GPR141: variants seen among roughly 807,000 people sequenced by gnomAD.
The protein encoded by GPR141 is probable G protein-coupled receptor 141.
A neutral mutation model predicts 6.8 loss-of-function variants in GPR141; 6 were observed. The ratio of observed to expected loss-of-function variants is 0.88; its 90% CI spans 0.48 to 1.74. The LOEUF is 1.74. GPR141 is among the 40% of genes most tolerant of loss of function. GPR141 has a pLI of 0.01. For missense variants in GPR141, 372 were observed against 372.9 expected (o/e 1.00, Z 0.02); for synonymous variants, 140 against 142.3 (o/e 0.98, Z 0.11).
chr7:37,701,968 C>T (rs1216820603), intron 2 of GPR141, among the ~76,000 whole-genome samples: 1 of 152,186 alleles, frequency 6.6e-6, no homozygotes, highest in Non-Finnish European at 1.5e-5. Context: ...TCCCTTTCAA[C>T]AGGCTGTACT....
intron 2 of GPR141, among the ~76,000 whole-genome samples, chr7:37,721,436 A>G (rs1811322760): frequency 6.6e-6 from 1 of 152,194 alleles, no homozygotes; most frequent in African/African-American, 2.4e-5. Context: ...ACCTAGAGGT[A>G]CCTGGGGCTG....
Position 37,691,894 on chromosome 7 carries a change from C to T in GPR141, c.-15+6311C>T, listed in dbSNP as rs555619728. Among the ~76,000 whole-genome samples the T allele has an allele frequency of 9.4e-4, 143 of 152,186 alleles. 1 individual carries two copies. Among genetic ancestry groups the T allele is most frequent in the South Asian group, 4.8e-3 (23 of 4,824 alleles). ...CTTAAGAAATGTGTTGTTAATCTAA[C>T]GGGGATTCCTTTAGAGTGACTTTAT... On this transcript the variant is annotated intron_variant, in intron 2 of 2. Coordinates refer to ENST00000334425, the MANE Select transcript of GPR141 (RefSeq NM_001381946.1).
intron 2 of GPR141, among the ~76,000 whole-genome samples, chr7:37,721,424 A>C (rs1419430608): frequency 6.6e-6 from 1 of 152,202 alleles, no homozygotes; most frequent in Non-Finnish European, 1.5e-5. Context: ...GAAAAGGCAT[A>C]AACCTAGAGG....
chr7:37,740,720 C>T lies in GPR141; in HGVS notation c.327C>T (p.Ile109=), dbSNP rs763366923. Residue 109 remains isoleucine (I), a synonymous_variant, in exon 3 of 3, where the codon ATC becomes ATT. Coordinates refer to ENST00000334425, the MANE Select transcript of GPR141 (RefSeq NM_001381946.1). ...MYLTFLFYVV[I]LVTRYLIFFK... The stretch of plus-strand genomic sequence containing the variant: ...TCACGTTCCTATTCTATGTGGTGAT[C>T]CTGGTCACCAGATACCTCATCTTCT... The T allele has an allele frequency of 9.9e-6, 16 of 1,614,072 alleles. No homozygotes were observed. Among genetic ancestry groups the T allele is most frequent in the Non-Finnish European group, 1.4e-5 (16 of 1,179,956 alleles).
chr7:37,716,688 A>G (rs1290193683), intron 2 of GPR141, among the ~76,000 whole-genome samples: 3 of 152,362 alleles, frequency 2.0e-5, no homozygotes, highest in South Asian at 2.1e-4. Flanking sequence ...GGTAACTTCT[A>G]TATTCTTTGT....
intron 2 of GPR141, among the ~76,000 whole-genome samples, chr7:37,710,541 T>G (rs765268762): frequency 2.6e-5 from 4 of 152,246 alleles, no homozygotes; most frequent in Non-Finnish European, 5.9e-5. Context: ...CCAACTACTG[T>G]TCAGATTTTC....
intron 2 of GPR141, among the ~76,000 whole-genome samples, chr7:37,718,714 C>T (rs887389524): frequency 2.6e-5 from 4 of 152,104 alleles, no homozygotes; most frequent in African/African-American, 7.2e-5. Flanking sequence ...CAACATTTGC[C>T]CTGAGCATAA....
At chr7:37,712,577 A>G in intron 2 of GPR141, among the ~76,000 whole-genome samples, 1 of 152,142 alleles carries the variant, frequency 6.6e-6, no homozygotes, top group East Asian at 1.9e-4. Context: ...GTCATGAATC[A>G]AAGGCCTTTT....
In GPR141 at chr7:37,742,021, A is replaced by G. The variant is rs1489976877; in HGVS notation, c.*710A>G. Among the ~76,000 whole-genome samples, 1 of 152,178 alleles carries G rather than the reference A, an allele frequency of 6.6e-6. No individual in the cohort carries two copies. The highest frequency in any genetic ancestry group is 1.9e-4 in the East Asian group (1 of 5,200). ...TGCTCCAAAAATCATTTAAAAGCTTACTGGACATATCTACATAATGGTGAA... is the reference window on the plus strand; with the variant it reads ...TGCTCCAAAAATCATTTAAAAGCTTGCTGGACATATCTACATAATGGTGAA... On this transcript the variant is annotated 3_prime_UTR_variant, in exon 3 of 3. Transcript: ENST00000334425.
intron 2 of GPR141, among the ~76,000 whole-genome samples, chr7:37,733,570 G>T (rs1812081365): frequency 6.6e-6 from 1 of 151,372 alleles, no homozygotes; most frequent in South Asian, 2.1e-4. Flanking sequence ...TACTCCGGAG[G>T]CTGAGGCAGG....
chr7:37,702,745 A>T (rs1810338192), intron 2 of GPR141, among the ~76,000 whole-genome samples: 1 of 149,224 alleles, frequency 6.7e-6, no homozygotes, highest in African/African-American at 2.4e-5. Context: ...ATAAAAAATA[A>T]ATAAATAAAT....
At chr7:37,703,367 T>C (rs1302301772) in intron 2 of GPR141, among the ~76,000 whole-genome samples, 1 of 152,170 alleles carries the variant, frequency 6.6e-6, no homozygotes, top group African/African-American at 2.4e-5. Flanking sequence ...TTATTCACCC[T>C]GCTTAAGAAC....
At chr7:37,738,164 C>T (rs1242747920) in intron 2 of GPR141, among the ~76,000 whole-genome samples, 1 of 152,198 alleles carries the variant, frequency 6.6e-6, no homozygotes, top group African/African-American at 2.4e-5. Flanking sequence ...TATAATAATA[C>T]ATTACACAAT....
chr7:37,712,881 A>G (rs1810872206), intron 2 of GPR141, among the ~76,000 whole-genome samples: 1 of 152,132 alleles, frequency 6.6e-6, no homozygotes, highest in Non-Finnish European at 1.5e-5. Flanking sequence ...GCCTGCTTCC[A>G]TGTCTGGTGT....
At chr7:37,704,403 G>A (rs954139859) in intron 2 of GPR141, among the ~76,000 whole-genome samples, 7 of 152,206 alleles carry the variant, frequency 4.6e-5, no homozygotes, top group African/African-American at 7.2e-5. Flanking sequence ...ACTTACAATC[G>A]TGGCAGAAGG....
At chr7:37,704,454 T>C (rs972825488) in intron 2 of GPR141, among the ~76,000 whole-genome samples, 2 of 152,030 alleles carry the variant, frequency 1.3e-5, no homozygotes, top group East Asian at 1.9e-4. Flanking sequence ...TGAGACCCAG[T>C]AGGGGAAATG....
Position 37,741,043 on chromosome 7 carries a change from C to T in GPR141, c.650C>T (p.Ser217Phe), listed in dbSNP as rs1812532726. Residue 217 changes from serine (S) to phenylalanine (F), a missense_variant, in exon 3 of 3, where the codon TCC becomes TTC. Physicochemically the swap from Ser to Phe is radical, Grantham distance 155 (BLOSUM62 -2). Coordinates refer to ENST00000334425, the MANE Select transcript of GPR141 (RefSeq NM_001381946.1). ...CAGAAGCTACGCCACTCTTTACTAT[C>T]CCACCAGGAGTTCTGGGCTCAGCTG... The part of the protein sequence containing the change: ...MVQKLRHSLL[S>F]HQEFWAQLKN... 6.2e-7 allele frequency: 1 copy of T among 1,613,988 alleles called. No homozygotes were observed. Among genetic ancestry groups the T allele is most frequent in the South Asian group, 1.1e-5 (1 of 91,090 alleles).
intron 2 of GPR141, among the ~76,000 whole-genome samples, chr7:37,689,581 TG>T (rs1283971335): frequency 6.6e-6 from 1 of 152,108 alleles, no homozygotes; most frequent in African/African-American, 2.4e-5. Flanking sequence ...TATTAATAAT[TG>T]GTCTATTCAG....
intron 2 of GPR141, among the ~76,000 whole-genome samples, chr7:37,686,163 T>C (rs1809502408): frequency 3.9e-5 from 2 of 51,894 alleles, no homozygotes; most frequent in South Asian, 1.2e-3. Context: ...CCTGCCTGCC[T>C]TTTTTTTTTT....
Sources: gnomAD v4.1 joint callset for allele counts (sites outside exome capture counted in the v4.1 genomes callset) on GRCh38, gnomAD v4.1.1 for gene constraint, MANE v1.5 for transcripts, NCBI Gene and HGNC (gene_info 2026-07-23, HGNC 2026-07-21) for gene names.